Variants in CNIH3 observed in about 807,000 individuals in gnomAD.
CNIH3 encodes the protein cornichon family AMPA receptor auxiliary protein 3.
A neutral mutation model predicts 24.1 loss-of-function variants in CNIH3; 14 were observed. The observed-to-expected ratio is 0.58, with a 90% CI of 0.38 to 0.91. The LOEUF (loss-of-function observed/expected upper bound fraction) is 0.91, where lower values mean the gene tolerates loss of function less well. Among genes scored for constraint, CNIH3 ranks in the 40% least tolerant of loss-of-function variants. The pLI, the probability that CNIH3 is intolerant of heterozygous loss-of-function variation, is 0.00. For missense variants in CNIH3, 178 were observed against 196.8 expected (o/e 0.90, Z 0.57); for synonymous variants, 68 against 73.8 (o/e 0.92, Z 0.40).
intron 1 of CNIH3, among the ~76,000 whole-genome samples, chr1:224,452,092 C>A (rs1675422722): frequency 6.6e-6 from 1 of 151,518 alleles, no homozygotes; most frequent in African/African-American, 2.4e-5. Context: ...CTCCATGTTG[C>A]ACTATTATTT....
chr1:224,565,591 C>T (rs1680547256), intron 3 of CNIH3: 1 of 152,582 alleles, frequency 6.6e-6, no homozygotes, highest in Non-Finnish European at 1.5e-5. Flanking sequence ...CAGATTGAGG[C>T]TTTCTCCTCT....
At chr1:224,462,577 G>A (rs571335219) in intron 1 of CNIH3, among the ~76,000 whole-genome samples, 176 of 150,528 alleles carry the variant, frequency 1.2e-3, no homozygotes, top group African/African-American at 4.2e-3. Flanking sequence ...CAAGCAATCC[G>A]CCCGCCTTGG....
At chr1:224,576,416 C>T (rs948607532) in intron 4 of CNIH3, among the ~76,000 whole-genome samples, 4 of 152,214 alleles carry the variant, frequency 2.6e-5, no homozygotes, top group African/African-American at 7.2e-5. Context: ...ATTTCCTGCC[C>T]TTCAGAAATA....
chr1:224,550,227 T>C (rs1679860214), intron 3 of CNIH3, among the ~76,000 whole-genome samples: 1 of 152,162 alleles, frequency 6.6e-6, no homozygotes, highest in East Asian at 1.9e-4. Flanking sequence ...ACAGTGTGTG[T>C]AACCACTAGA....
intron 3 of CNIH3, among the ~76,000 whole-genome samples, chr1:224,711,138 AG>A (rs1688119887): frequency 6.6e-6 from 1 of 152,230 alleles, no homozygotes; most frequent in South Asian, 2.1e-4. Flanking sequence ...ACGCGATCCG[AG>A]GTATTACTAA....
intron 1 of CNIH3, among the ~76,000 whole-genome samples, chr1:224,676,128 C>T (rs569366321): frequency 5.3e-5 from 8 of 152,302 alleles, no homozygotes; most frequent in South Asian, 2.1e-4. Flanking sequence ...AACCGTAGTT[C>T]GTTTGTACAA....
chr1:224,530,652 T>C (rs1679026991), intron 2 of CNIH3, among the ~76,000 whole-genome samples: 1 of 151,792 alleles, frequency 6.6e-6, no homozygotes, highest in Non-Finnish European at 1.5e-5. Flanking sequence ...CAGACTGGAG[T>C]GCAGTGGCAT....
intron 1 of CNIH3, among the ~76,000 whole-genome samples, chr1:224,676,248 C>T (rs533758068): frequency 2.5e-4 from 38 of 152,250 alleles, no homozygotes; most frequent in African/African-American, 8.7e-4. Context: ...AAAGCAGGCT[C>T]AGAAGCCTAC....
rs539679812 is a variant in CNIH3, at chr1:224,722,901, C to T, written c.199-7561C>T. Among the ~76,000 whole-genome samples the T allele has an allele frequency of 2.6e-5, 4 of 152,270 alleles. No homozygotes were observed. The East Asian group carries it at 7.7e-4, about 29-fold the overall frequency. On this transcript the variant is annotated intron_variant, in intron 3 of 5. Transcript: ENST00000272133. ...ACCTGTGAATTCCGATGGAAGAAGC[C>T]TTCTTCCTCATGGTGTTGTGCATAC...
chr1:224,733,776 C>G (rs1338944390), intron 4 of CNIH3, among the ~76,000 whole-genome samples: 4 of 152,146 alleles, frequency 2.6e-5, no homozygotes, highest in Admixed American at 2.6e-4. Context: ...GTACTTTGTT[C>G]TTGGGCTCCG....
intron 3 of CNIH3, among the ~76,000 whole-genome samples, chr1:224,700,303 C>T (rs1296970441): frequency 1.3e-5 from 2 of 152,190 alleles, no homozygotes; most frequent in African/African-American, 2.4e-5. Flanking sequence ...CTAATTGCTT[C>T]TTTGAAGACT....
At chr1:224,506,265 G>A (rs910296197) in intron 1 of CNIH3, among the ~76,000 whole-genome samples, 9 of 105,338 alleles carry the variant, frequency 8.5e-5, no homozygotes, top group African/African-American at 2.4e-4. Context: ...TCATATGCAC[G>A]CACACGCGCG....
chr1:224,488,828 A>C (rs1361618), intron 1 of CNIH3, among the ~76,000 whole-genome samples: 126,950 of 152,096 alleles, frequency 0.83, 53,339 homozygotes, highest in East Asian at 0.97. Flanking sequence ...CTATTTAGTT[A>C]TTTTTTAGAG....
chr1:224,645,207 C>G (rs1390724459), intron 1 of CNIH3, among the ~76,000 whole-genome samples: 2 of 152,200 alleles, frequency 1.3e-5, no homozygotes, highest in African/African-American at 4.8e-5. Context: ...GATCAGTTCT[C>G]TCTCTCTCCT....
At chr1:224,561,793 G>T (rs1249010754) in intron 3 of CNIH3, among the ~76,000 whole-genome samples, 12 of 152,188 alleles carry the variant, frequency 7.9e-5, no homozygotes, top group Admixed American at 7.9e-4. Context: ...TCTGGTTCAT[G>T]TTAACATCAG....
chr1:224,735,377 A>G (rs1470802220), intron 5 of CNIH3, among the ~76,000 whole-genome samples: 2 of 152,184 alleles, frequency 1.3e-5, no homozygotes, highest in Non-Finnish European at 2.9e-5. Context: ...GACACCACAG[A>G]GAGTGCCTTT....
intron 2 of CNIH3, among the ~76,000 whole-genome samples, chr1:224,533,351 A>G: frequency 6.6e-6 from 1 of 151,384 alleles, no homozygotes; most frequent in Non-Finnish European, 1.5e-5. Context: ...TAGGAGTTCA[A>G]GATTACAATG....
chr1:224,441,056 T>C (rs1275759560), intron 1 of CNIH3, among the ~76,000 whole-genome samples: 1 of 152,146 alleles, frequency 6.6e-6, no homozygotes, highest in Non-Finnish European at 1.5e-5. Context: ...GACCTCATGA[T>C]CCGCCCCCCT....
chr1:224,738,098 A>G (rs994601934), intron 5 of CNIH3, among the ~76,000 whole-genome samples: 1 of 152,160 alleles, frequency 6.6e-6, no homozygotes, highest in African/African-American at 2.4e-5. Flanking sequence ...TGTTGGTTTC[A>G]TTCACCTCTG....
Sources: gnomAD v4.1 joint callset for allele counts (sites outside exome capture counted in the v4.1 genomes callset) on GRCh38, gnomAD v4.1.1 for gene constraint, MANE v1.5 for transcripts, NCBI Gene and HGNC (gene_info 2026-07-23, HGNC 2026-07-21) for gene names.